The following MFF variants were observed in gnomAD, a reference collection of about 807,000 sequenced individuals.
The protein encoded by MFF is mitochondrial fission factor.
A neutral mutation model predicts 36.9 loss-of-function variants in MFF; 12 were observed. That is an observed-to-expected ratio of 0.33 (90% CI 0.21 to 0.53). The LOEUF (loss-of-function observed/expected upper bound fraction) is 0.53. Ranked by LOEUF, MFF falls within the 20% of genes least tolerant of loss-of-function variation. The pLI is 0.95. For synonymous variants in MFF, 99 were observed against 126.2 expected, an observed-to-expected ratio of 0.78 and a Z score of 1.44; for missense variants, 348 against 366.6, an observed-to-expected ratio of 0.95 and a Z score of 0.42.
At chr2:227,332,817 GT>G (rs2074699551) in intron 4 of MFF, among the ~76,000 whole-genome samples, 1 of 152,218 alleles carries the variant, frequency 6.6e-6, no homozygotes, top group Admixed American at 6.5e-5. Flanking sequence ...GTATTATTAA[GT>G]TCCTGTGGTT....
chr2:227,341,467 A>G (rs1360604892), intron 5 of MFF, among the ~76,000 whole-genome samples: 1 of 152,142 alleles, frequency 6.6e-6, no homozygotes, highest in Non-Finnish European at 1.5e-5. Flanking sequence ...ATTATTCTGA[A>G]AGGCTGTGTA....
At chr2:227,347,520 T>C in intron 6 of MFF, 136 bp downstream of exon 6, 1 of 680,478 alleles carries the variant, frequency 1.5e-6, no homozygotes, top group Non-Finnish European at 2.5e-6. Context: ...AACAGCTTGC[T>C]TTACTTTCTT....
chr2:227,348,025 CCTTG>C (rs2075801831), intron 6 of MFF, among the ~76,000 whole-genome samples: 1 of 151,914 alleles, frequency 6.6e-6, no homozygotes, highest in African/African-American at 2.4e-5. Context: ...TACTTTTTGT[CCTTG>C]CTTTATTACT....
At chr2:227,341,733 G>A (rs80061985) in intron 5 of MFF, among the ~76,000 whole-genome samples, 20,470 of 152,020 alleles carry the variant, frequency 0.13, 1,436 homozygotes, top group Non-Finnish European at 0.15. Context: ...ACACTCAAGA[G>A]CTTTAATTAT....
intron 5 of MFF, chr2:227,342,916 AT>A: frequency 1.1e-6 from 1 of 901,140 alleles, no homozygotes; most frequent in Non-Finnish European, 1.7e-6. Flanking sequence ...GACGTATGCT[AT>A]CCTAATTATC....
chr2:227,352,666 T>G, intron 7 of MFF, 93 bp downstream of exon 7: 1 of 1,031,832 alleles, frequency 9.7e-7, no homozygotes, highest in South Asian at 1.3e-5. Flanking sequence ...TGCCTGTGTT[T>G]GTAGCTGAAC....
chr2:227,342,908 C>T (rs1331258565), intron 5 of MFF: 1 of 1,111,882 alleles, frequency 9.0e-7, no homozygotes, highest in Non-Finnish European at 1.3e-6. Flanking sequence ...AGGTAATTGA[C>T]GTATGCTATC....
chr2:227,340,280 G>T lies in MFF; in HGVS notation c.352-12G>T. On this transcript the variant is annotated splice_polypyrimidine_tract_variant and intron_variant, in intron 4 of 8. Transcript: ENST00000304593. The stretch of plus-strand genomic sequence containing the variant: ...TATTTCTATTTCCTTCCCTCTCTTT[G>T]TGCCTTAACAGATCCGAGCAGTTGG... The T allele has an allele frequency of 6.3e-7, 1 of 1,579,416 alleles. No homozygotes were observed. The highest frequency in any genetic ancestry group is 8.6e-7 in the Non-Finnish European group (1 of 1,156,236).
At chr2:227,344,026 G>T (rs940258033) in intron 5 of MFF, among the ~76,000 whole-genome samples, 8 of 152,176 alleles carry the variant, frequency 5.3e-5, no homozygotes, top group Non-Finnish European at 8.8e-5. Flanking sequence ...GACCTCAAGT[G>T]CTCTGCCCAC....
intron 4 of MFF, among the ~76,000 whole-genome samples, chr2:227,339,386 T>C (rs1574938105): frequency 6.6e-6 from 1 of 152,210 alleles, no homozygotes; most frequent in Non-Finnish European, 1.5e-5. Flanking sequence ...AGCTTGTTTC[T>C]GTTCTTCAAT....
At chr2:227,346,089 A>G (rs1471111436) in intron 5 of MFF, 2 of 160,470 alleles carry the variant, frequency 1.2e-5, no homozygotes, top group African/African-American at 2.4e-5. Context: ...TCAGATGACT[A>G]TAACTATCCT....
chr2:227,331,962 T>A (rs987296289), intron 3 of MFF, among the ~76,000 whole-genome samples: 1,141 of 75,556 alleles, frequency 0.015, 191 homozygotes, highest in African/African-American at 0.038. Flanking sequence ...TGGAAGCATT[T>A]TTTTTTTTTT....
chr2:227,329,830 A>C, intron 2 of MFF: 3 of 1,339,544 alleles, frequency 2.2e-6, no homozygotes, highest in Non-Finnish European at 3.1e-6. Flanking sequence ...GGTTTGAGAG[A>C]CAATGGCTTT....
chr2:227,336,319 G>A (rs1201225449), intron 4 of MFF, among the ~76,000 whole-genome samples: 1 of 152,152 alleles, frequency 6.6e-6, no homozygotes, highest in African/African-American at 2.4e-5. Flanking sequence ...AAAACAGACT[G>A]GTCTAAAGAT....
chr2:227,350,951 T>C (rs1270209731), intron 6 of MFF, among the ~76,000 whole-genome samples: 1 of 152,146 alleles, frequency 6.6e-6, no homozygotes, highest in African/African-American at 2.4e-5. Context: ...GAAGACAAAA[T>C]GAAATACGTT....
chr2:227,351,218 G>A (rs1158562794), intron 6 of MFF, among the ~76,000 whole-genome samples: 1 of 152,148 alleles, frequency 6.6e-6, no homozygotes, highest in East Asian at 1.9e-4. Flanking sequence ...CCTGTCTTAA[G>A]CATATGTGAT....
intron 5 of MFF, among the ~76,000 whole-genome samples, chr2:227,343,357 A>C (rs1213821466): frequency 6.6e-6 from 1 of 152,120 alleles, no homozygotes; most frequent in African/African-American, 2.4e-5. Context: ...AGAATGACTC[A>C]CTCATGGAGC....
intron 6 of MFF, 37 bp from the exon 7 acceptor site, chr2:227,352,477 T>G: frequency 6.4e-7 from 1 of 1,567,040 alleles, no homozygotes; most frequent in South Asian, 1.1e-5. Flanking sequence ...GTTTCCTGAT[T>G]CTGTCTTGTG....
At chr2:227,336,181 C>T (rs1434118844) in intron 4 of MFF, among the ~76,000 whole-genome samples, 2 of 152,190 alleles carry the variant, frequency 1.3e-5, no homozygotes, top group African/African-American at 4.8e-5. Context: ...CAACCTTGAA[C>T]AGTGTGACTA....
Sources: gnomAD v4.1 joint callset for allele counts (sites outside exome capture counted in the v4.1 genomes callset) on GRCh38, gnomAD v4.1.1 for gene constraint, MANE v1.5 for transcripts, NCBI Gene and HGNC (gene_info 2026-07-23, HGNC 2026-07-21) for gene names.